Variants in CALN1 observed in about 807,000 individuals in gnomAD.
CALN1 encodes the protein calneuron 1, also known as calcium-binding protein 8.
A neutral mutation model predicts 30.6 loss-of-function variants in CALN1; 17 were observed. That is an observed-to-expected ratio of 0.56 (90% CI 0.38 to 0.83). The LOEUF (loss-of-function observed/expected upper bound fraction) is 0.83, where lower values mean the gene tolerates loss of function less well. Among genes scored for constraint, CALN1 ranks in the 40% least tolerant of loss-of-function variants. CALN1 has a pLI of 0.00. For missense variants in CALN1, 291 were observed against 354.9 expected (o/e 0.82, Z 1.45); for synonymous variants, 156 against 131.4 (o/e 1.19, Z -1.28).
chr7:72,339,188 A>G (rs560027888), intron 2 of CALN1, among the ~76,000 whole-genome samples: 1 of 152,316 alleles, frequency 6.6e-6, no homozygotes, highest in East Asian at 1.9e-4. Flanking sequence ...TCCATTGTGT[A>G]CATGTCCCAC....
At chr7:71,795,321 G>A (rs1786831930) in intron 6 of CALN1, among the ~76,000 whole-genome samples, 1 of 151,912 alleles carries the variant, frequency 6.6e-6, no homozygotes, top group Admixed American at 6.6e-5. Flanking sequence ...TGCGTGCCCG[G>A]CCATCTTCCC....
chr7:71,929,884 T>G (rs1447030294), intron 5 of CALN1, among the ~76,000 whole-genome samples: 1 of 152,212 alleles, frequency 6.6e-6, no homozygotes, highest in Non-Finnish European at 1.5e-5. Flanking sequence ...TTCCACATCC[T>G]TTTTAGTACA....
intron 4 of CALN1, among the ~76,000 whole-genome samples, chr7:72,071,706 T>C (rs762750544): frequency 6.6e-6 from 1 of 152,196 alleles, no homozygotes; most frequent in Non-Finnish European, 1.5e-5. Flanking sequence ...TTTAGTTTTC[T>C]AACAAAACGT....
At chr7:72,212,440 C>G (rs1792481540) in intron 3 of CALN1, among the ~76,000 whole-genome samples, 1 of 151,966 alleles carries the variant, frequency 6.6e-6, no homozygotes, top group Non-Finnish European at 1.5e-5. Context: ...AAGGAGAGTC[C>G]CAGCCCCCAT....
chr7:72,037,398 C>T (rs1206499821), intron 4 of CALN1, among the ~76,000 whole-genome samples: 1 of 152,070 alleles, frequency 6.6e-6, no homozygotes, highest in Non-Finnish European at 1.5e-5. Context: ...GATCCACCCG[C>T]CTCGGCCTCC....
intron 5 of CALN1, among the ~76,000 whole-genome samples, chr7:71,825,072 G>A (rs372925568): frequency 1.2e-4 from 19 of 152,242 alleles, no homozygotes; most frequent in Admixed American, 2.6e-4. Context: ...TCCCCACAGC[G>A]CAAACAATGC....
chr7:72,102,169 G>A (rs1806718439), intron 4 of CALN1, among the ~76,000 whole-genome samples: 1 of 152,178 alleles, frequency 6.6e-6, no homozygotes, highest in Non-Finnish European at 1.5e-5. Flanking sequence ...CGAGGGCTGG[G>A]TGCAGTAGCT....
chr7:72,022,042 G>C (rs142669303), intron 5 of CALN1, among the ~76,000 whole-genome samples: 121 of 152,238 alleles, frequency 7.9e-4, no homozygotes, highest in Non-Finnish European at 1.6e-3. Context: ...CTTAGTCATG[G>C]TCAATGACTT....
At chr7:71,878,141 T>G (rs553165080) in intron 5 of CALN1, among the ~76,000 whole-genome samples, 1 of 152,254 alleles carries the variant, frequency 6.6e-6, no homozygotes, top group African/African-American at 2.4e-5. Context: ...TAGACTAGAC[T>G]AGAAAAGCCA....
chr7:72,382,880 C>G (rs1020473521), intron 2 of CALN1, among the ~76,000 whole-genome samples: 1 of 152,182 alleles, frequency 6.6e-6, no homozygotes, highest in Non-Finnish European at 1.5e-5. Context: ...CCTCCACCTC[C>G]CGGGTTCAAG....
intron 5 of CALN1, among the ~76,000 whole-genome samples, chr7:71,984,330 CA>C (rs1315869678): frequency 6.6e-6 from 1 of 152,178 alleles, no homozygotes; most frequent in Non-Finnish European, 1.5e-5. Flanking sequence ...ATCAAAGTCG[CA>C]AGGTGTGTAA....
chr7:72,432,803 G>A (rs1808018098), intron 1 of CALN1, among the ~76,000 whole-genome samples: 1 of 152,170 alleles, frequency 6.6e-6, no homozygotes, highest in Non-Finnish European at 1.5e-5. Flanking sequence ...ACATGCTTCA[G>A]CAAGCACCAG....
At chr7:72,313,537 T>C (rs1339866629) in intron 2 of CALN1, among the ~76,000 whole-genome samples, 1 of 151,970 alleles carries the variant, frequency 6.6e-6, no homozygotes, top group East Asian at 1.9e-4. Flanking sequence ...GGACTATCGG[T>C]GCGTACCACC....
chr7:71,980,478 CCACGCCCAGCCAA>C (rs1222564591), intron 5 of CALN1, among the ~76,000 whole-genome samples: 1 of 152,176 alleles, frequency 6.6e-6, no homozygotes, highest in African/African-American at 2.4e-5. Context: ...GTGTGAGCCA[CCACGCCCAGCCAA>C]CACATCAGAA....
chr7:72,076,777 A>G (rs531582427), intron 4 of CALN1, among the ~76,000 whole-genome samples: 1 of 152,094 alleles, frequency 6.6e-6, no homozygotes, highest in South Asian at 2.1e-4. Flanking sequence ...TCTAAAACCA[A>G]TTCCAGGTTG....
At position 71,812,923 on chromosome 7, in the gene CALN1, C is replaced by CATTATTATT. The variant is rs374759683; in HGVS notation, c.502-2432_502-2431insAATAATAAT. ...CATGTCCAGCTATTTTATTTATCAT[C>CATTATTATT]ATCATCATTATTATTATTATTATTA... On this transcript the variant is annotated intron_variant, in intron 5 of 6. Transcript: ENST00000395275. 2.2e-3 allele frequency among the ~76,000 whole-genome samples: 179 copies of CATTATTATT among 81,954 alleles called. 1 individual carries two copies. The East Asian group carries it at 0.026, about 12-fold the overall frequency. 53.8% of individuals were successfully genotyped at this position (81,954 alleles called of 152,430 possible).
At chr7:72,349,165 G>T (rs1802792509) in intron 2 of CALN1, among the ~76,000 whole-genome samples, 1 of 152,054 alleles carries the variant, frequency 6.6e-6, no homozygotes, top group African/African-American at 2.4e-5. Flanking sequence ...AAAGAATGCT[G>T]GCTAAAAAAA....
At chr7:72,401,961 A>G (rs1379872010) in intron 2 of CALN1, among the ~76,000 whole-genome samples, 2 of 152,178 alleles carry the variant, frequency 1.3e-5, no homozygotes, top group Non-Finnish European at 2.9e-5. Context: ...CTAGGCTGGT[A>G]AAAGTCCAAC....
chr7:71,826,032 C>CAAAA (rs57512202), intron 5 of CALN1, among the ~76,000 whole-genome samples: 4 of 43,864 alleles, frequency 9.1e-5, no homozygotes, highest in African/African-American at 3.4e-4. Context: ...GACTCTGTCT[C>CAAAA]AAAAAAAAAA....
Sources: allele counts gnomAD v4.1 joint callset (sites outside exome capture counted in the v4.1 genomes callset), GRCh38; gene constraint gnomAD v4.1.1; transcripts MANE v1.5; gene names NCBI Gene and HGNC (gene_info 2026-07-23, HGNC 2026-07-21).